The following GRM7 variants were observed in gnomAD, a reference collection of about 807,000 sequenced individuals.
The protein encoded by GRM7 is glutamate metabotropic receptor 7.
GRM7 carries 35 observed loss-of-function variants against 84.5 expected under a neutral mutation model. The ratio of observed to expected loss-of-function variants is 0.41; its 90% CI spans 0.32 to 0.55. The LOEUF is 0.55. Ranked by LOEUF, GRM7 falls within the 20% of genes least tolerant of loss-of-function variation. The pLI is 0.19. For synonymous variants in GRM7, 487 were observed against 455.1 expected (o/e 1.07, Z -0.89); for missense variants, 1,003 against 1,194.6 (o/e 0.84, Z 2.36).
intron 8 of GRM7, chr3:7,607,502 C>G (rs2125076152): frequency 6.6e-6 from 1 of 152,200 alleles, no homozygotes; most frequent in East Asian, 1.9e-4. Flanking sequence ...GACAAAACTA[C>G]TCTTGGCCTT....
intron 4 of GRM7, among the ~76,000 whole-genome samples, chr3:7,358,080 A>G (rs1368119180): frequency 6.6e-6 from 1 of 152,106 alleles, no homozygotes; most frequent in African/African-American, 2.4e-5. Context: ...CCTCCAACCC[A>G]TTCTAAGAAT....
chr3:7,321,380 T>C (rs958047799), intron 4 of GRM7, among the ~76,000 whole-genome samples: 10 of 152,038 alleles, frequency 6.6e-5, no homozygotes, highest in Admixed American at 1.3e-4. Flanking sequence ...GTTCAATTAT[T>C]TGATGAAATC....
intron 1 of GRM7, among the ~76,000 whole-genome samples, chr3:6,970,180 CA>C (rs1289034508): frequency 2.0e-5 from 3 of 148,506 alleles, no homozygotes; most frequent in African/African-American, 5.0e-5. Flanking sequence ...TCTTCCAGTG[CA>C]AAAAGCTAGC....
chr3:7,180,513 T>A (rs1695301886), intron 2 of GRM7, among the ~76,000 whole-genome samples: 1 of 152,156 alleles, frequency 6.6e-6, no homozygotes, highest in Admixed American at 6.5e-5. Context: ...ACTGCAGCAG[T>A]CACCTTCAAT....
At chr3:6,947,042 A>G (rs1008080333) in intron 1 of GRM7, among the ~76,000 whole-genome samples, 19 of 152,228 alleles carry the variant, frequency 1.2e-4, no homozygotes, top group Non-Finnish European at 2.5e-4. Context: ...AATGCCCTTT[A>G]TTTCCTTATC....
At chr3:7,310,920 T>G (rs1700368264) in intron 4 of GRM7, among the ~76,000 whole-genome samples, 1 of 152,166 alleles carries the variant, frequency 6.6e-6, no homozygotes, top group Non-Finnish European at 1.5e-5. Flanking sequence ...TGAGCCCCAT[T>G]ATAAGTCTCA....
chr3:7,627,410 A>T (rs77020533), intron 8 of GRM7, among the ~76,000 whole-genome samples: 576 of 152,186 alleles, frequency 3.8e-3, no homozygotes, highest in Non-Finnish European at 4.9e-3. Flanking sequence ...TTAAAGTTAG[A>T]AATTTTCAGA....
At chr3:7,475,713 G>A (rs964125253) in intron 7 of GRM7, among the ~76,000 whole-genome samples, 1 of 152,146 alleles carries the variant, frequency 6.6e-6, no homozygotes, top group Non-Finnish European at 1.5e-5. Flanking sequence ...ACAACATTAT[G>A]GCAAAACCAT....
At chr3:6,966,028 G>A (rs182563898) in intron 1 of GRM7, among the ~76,000 whole-genome samples, 4 of 152,266 alleles carry the variant, frequency 2.6e-5, no homozygotes, top group African/African-American at 9.6e-5. Context: ...ATCTGGAGTG[G>A]ATAATTACTT....
At chr3:7,306,713 A>G in intron 4 of GRM7, 61 bp downstream of exon 4, 1 of 1,399,948 alleles carries the variant, frequency 7.1e-7, no homozygotes, top group Admixed American at 2.4e-5. Flanking sequence ...CTGAATGGCC[A>G]AGCATGTGAC....
At chr3:7,452,558 TTGTG>T (rs111752136) in intron 5 of GRM7, 45 bp from the exon 6 acceptor site, 21,051 of 959,342 alleles carry the variant, frequency 0.022, 3 homozygotes, top group Non-Finnish European at 0.028. Context: ...CAATGCCAAT[TTGTG>T]TGTGTGTGTG....
chr3:7,211,486 A>G (rs1417070558), intron 2 of GRM7, among the ~76,000 whole-genome samples: 5 of 152,120 alleles, frequency 3.3e-5, no homozygotes, highest in Admixed American at 2.6e-4. Flanking sequence ...CTGAAACCCT[A>G]CCTGGTAAAG....
At chr3:7,462,705 A>C (rs1297152586) in intron 7 of GRM7, among the ~76,000 whole-genome samples, 1 of 152,172 alleles carries the variant, frequency 6.6e-6, no homozygotes, top group Non-Finnish European at 1.5e-5. Flanking sequence ...AAGCCACTAC[A>C]GGCCAGTTAC....
intron 1 of GRM7, among the ~76,000 whole-genome samples, chr3:6,948,350 T>C (rs1368399440): frequency 6.6e-6 from 1 of 152,242 alleles, no homozygotes; most frequent in Non-Finnish European, 1.5e-5. Flanking sequence ...TCAGTTCCCA[T>C]GTAGCTGAGC....
At chr3:7,158,615 T>A (rs1694529210) in intron 2 of GRM7, among the ~76,000 whole-genome samples, 1 of 152,134 alleles carries the variant, frequency 6.6e-6, no homozygotes, top group Non-Finnish European at 1.5e-5. Flanking sequence ...ATATTAAAAA[T>A]AGGGAAGATG....
At position 6,888,356 on chromosome 3, in the gene GRM7, T is replaced by C. The variant is rs925732155; in HGVS notation, c.519+26449T>C. Among the ~76,000 whole-genome samples, 16 of 152,248 alleles carry C rather than the reference T, an allele frequency of 1.1e-4. 1 individual carries two copies. The highest frequency in any genetic ancestry group is 2.0e-4 in the Admixed American group (3 of 15,274). On this transcript the variant is annotated intron_variant, in intron 1 of 9. Transcript: ENST00000357716. ...CTTAGGTTTTCTTCTAGGGTTTTTA[T>C]GGTTTTATGTCTAACGTTTAAGTCT... is the stretch of plus-strand genomic sequence containing the variant.
At chr3:6,968,649 A>C (rs1361579254) in intron 1 of GRM7, among the ~76,000 whole-genome samples, 1 of 152,108 alleles carries the variant, frequency 6.6e-6, no homozygotes, top group Admixed American at 6.5e-5. Flanking sequence ...TATTTATTTT[A>C]TGATCTTTTA....
intron 8 of GRM7, among the ~76,000 whole-genome samples, chr3:7,639,754 AT>A (rs1698275749): frequency 1.3e-5 from 2 of 152,210 alleles, no homozygotes; most frequent in Non-Finnish European, 2.9e-5. Flanking sequence ...CAAGTCTTAA[AT>A]GTGTTTGGGA....
rs114221648 is a variant in GRM7, at chr3:7,620,088, A to G, written c.2451+40731A>G. Among the ~76,000 whole-genome samples the G allele has an allele frequency of 9.1e-3, 1,390 of 152,212 alleles. 19 individuals carry two copies. The highest frequency in any genetic ancestry group is 0.032 in the African/African-American group (1,326 of 41,538). On this transcript the variant is annotated intron_variant, in intron 8 of 9. Coordinates refer to ENST00000357716, the MANE Select transcript of GRM7 (RefSeq NM_000844.4). ...TCTGGGGAACGCTGAGTATTCACCA[A>G]TCGTATGAATAATTAGAAGATAAGA...
Sources: gnomAD v4.1 joint callset for allele counts (sites outside exome capture counted in the v4.1 genomes callset) on GRCh38, gnomAD v4.1.1 for gene constraint, MANE v1.5 for transcripts, NCBI Gene and HGNC (gene_info 2026-07-23, HGNC 2026-07-21) for gene names.